AOAH: variants seen among roughly 807,000 people sequenced by gnomAD.
AOAH encodes acyloxyacyl hydrolase (neutrophil).
In AOAH, 64 loss-of-function variants were observed where a neutral mutation model predicts 92.2. That is an observed-to-expected ratio of 0.69 (90% CI 0.57 to 0.86). The LOEUF (loss-of-function observed/expected upper bound fraction) is 0.86, where lower values mean the gene tolerates loss of function less well. AOAH is among the 40% of genes least tolerant of loss of function. AOAH has a pLI of 0.00. For missense variants in AOAH, 656 were observed against 694.6 expected (o/e 0.94, Z 0.62); for synonymous variants, 263 against 254.5 (o/e 1.03, Z -0.32).
intron 13 of AOAH, among the ~76,000 whole-genome samples, chr7:36,560,955 C>T (rs1217398017): frequency 1.3e-5 from 2 of 152,000 alleles, no homozygotes; most frequent in Non-Finnish European, 2.9e-5. Flanking sequence ...TGCCATAAAG[C>T]AGGGATTAAC....
chr7:36,522,067 T>C lies in AOAH; in HGVS notation c.1571A>G (p.Glu524Gly). The part of the protein sequence containing the change: ...KRGGQPWQLI[E>G]PVDGFHPNEV... ...GTTGGGGTGGAATCCATCCACGGGC[T>C]CGATGAGCTGCCAGGGCTGTCCGCC... The change falls in exon 20 of 21, where the codon GAG becomes GGG. Residue 524 changes from glutamate to glycine, a missense_variant. Physicochemically the swap from Glu to Gly is moderately conservative, Grantham distance 98. Transcript: ENST00000617537. The C allele has an allele frequency of 6.2e-7, 1 of 1,614,212 alleles. No individual in the cohort carries two copies.
At position 36,545,376 on chromosome 7, in the gene AOAH, G is replaced by A. The variant is rs1785736331; in HGVS notation, c.1133+3236C>T. On this transcript the variant is annotated intron_variant, in intron 15 of 20. Coordinates refer to ENST00000617537, the MANE Select transcript of AOAH (RefSeq NM_001637.4). ...AGAGTCTGGGAGAGAGAATTCCTCT[G>A]AGCAGCAGGAGCTCTTTCCATTCCC... 3.9e-5 allele frequency among the ~76,000 whole-genome samples: 6 copies of A among 152,154 alleles called. No individual in the cohort carries two copies. In the South Asian group the frequency reaches 1.2e-3, roughly 32 times the overall value.
chr7:36,605,241 A>G (rs1387773295), intron 11 of AOAH, among the ~76,000 whole-genome samples: 1 of 151,982 alleles, frequency 6.6e-6, no homozygotes, highest in Admixed American at 6.6e-5. Flanking sequence ...CATGGAAGGA[A>G]TTAGTTGAAA....
chr7:36,542,210 C>T (rs1016251152), intron 15 of AOAH, among the ~76,000 whole-genome samples: 2 of 152,144 alleles, frequency 1.3e-5, no homozygotes, highest in African/African-American at 4.8e-5. Context: ...ATGGCTGCCA[C>T]AAGCCAAAGA....
chr7:36,543,173 T>TA (rs1305178407), intron 15 of AOAH, among the ~76,000 whole-genome samples: 1 of 152,100 alleles, frequency 6.6e-6, no homozygotes, highest in Non-Finnish European at 1.5e-5. Flanking sequence ...TACACTATTT[T>TA]AAAAATAAAA....
At chr7:36,717,077 C>T (rs919373959) in intron 1 of AOAH, among the ~76,000 whole-genome samples, 5 of 152,146 alleles carry the variant, frequency 3.3e-5, no homozygotes, top group African/African-American at 1.2e-4. Flanking sequence ...CTGTTCAGTG[C>T]TAACAAATAT....
chr7:36,696,796 C>T (rs367959033), intron 1 of AOAH, among the ~76,000 whole-genome samples: 3 of 151,292 alleles, frequency 2.0e-5, no homozygotes, highest in Admixed American at 6.6e-5. Context: ...GACCGGGAGG[C>T]GGAGGTTGCA....
At chr7:36,690,225 A>T (rs1226327842) in intron 1 of AOAH, 1 of 454,042 alleles carries the variant, frequency 2.2e-6, no homozygotes, top group Non-Finnish European at 4.4e-6. Context: ...AGCAAAAAAA[A>T]TTATCTGTCT....
chr7:36,525,364 A>G (rs547857293), intron 19 of AOAH, among the ~76,000 whole-genome samples: 4 of 152,250 alleles, frequency 2.6e-5, no homozygotes, highest in African/African-American at 4.8e-5. Flanking sequence ...TAGGAGCCTG[A>G]TATTACAAAG....
intron 19 of AOAH, among the ~76,000 whole-genome samples, chr7:36,529,635 T>C (rs1294797527): frequency 6.6e-6 from 1 of 152,186 alleles, no homozygotes; most frequent in African/African-American, 2.4e-5. Context: ...GAATCTTCCA[T>C]CTTTCGCCTA....
At chr7:36,599,670 A>T (rs886418380) in intron 11 of AOAH, 1 of 152,190 alleles carries the variant, frequency 6.6e-6, no homozygotes, top group African/African-American at 2.4e-5. Flanking sequence ...AAAAGAAAAT[A>T]GCTCTTGGGT....
chr7:36,687,997 C>G (rs1358290077), intron 1 of AOAH, among the ~76,000 whole-genome samples: 6 of 152,214 alleles, frequency 3.9e-5, no homozygotes, highest in African/African-American at 1.2e-4. Flanking sequence ...TCTGTCCCCT[C>G]TCTCTGGACA....
intron 4 of AOAH, among the ~76,000 whole-genome samples, chr7:36,641,641 C>A (rs140594190): frequency 6.6e-6 from 1 of 152,130 alleles, no homozygotes; most frequent in East Asian, 1.9e-4. Context: ...GCTTTCGGGC[C>A]GAGCTTTCCT....
intron 19 of AOAH, among the ~76,000 whole-genome samples, chr7:36,525,586 G>C (rs1161053325): frequency 6.6e-6 from 1 of 152,172 alleles, no homozygotes; most frequent in Middle Eastern, 3.2e-3. Flanking sequence ...TAGTGATGCA[G>C]GTTGAGCATC....
chr7:36,515,385 TCA>T (rs1467525987), intron 20 of AOAH, among the ~76,000 whole-genome samples: 1 of 44,158 alleles, frequency 2.3e-5, no homozygotes, highest in Non-Finnish European at 4.1e-5. Context: ...ACCACACCCC[TCA>T]CAACCCCACA....
intron 11 of AOAH, 44 bp downstream of exon 11, chr7:36,616,336 C>G (rs768611262): frequency 8.5e-6 from 13 of 1,525,646 alleles, no homozygotes; most frequent in Non-Finnish European, 1.2e-5. Context: ...GAAACAAAAA[C>G]AAAGGCCAGC....
intron 13 of AOAH, among the ~76,000 whole-genome samples, chr7:36,566,822 C>T (rs1201836400): frequency 2.6e-5 from 4 of 152,164 alleles, no homozygotes; most frequent in Admixed American, 2.6e-4. Context: ...AGTGAACACA[C>T]TGCGCAGAGC....
chr7:36,537,721 C>T (rs1021772514), intron 16 of AOAH, among the ~76,000 whole-genome samples: 6 of 152,058 alleles, frequency 3.9e-5, no homozygotes, highest in African/African-American at 1.2e-4. Context: ...CAGGGTTTCA[C>T]CATGTTGGCC....
chr7:36,698,854 G>T (rs1797870315), intron 1 of AOAH, among the ~76,000 whole-genome samples: 1 of 151,932 alleles, frequency 6.6e-6, no homozygotes, highest in Non-Finnish European at 1.5e-5. Flanking sequence ...TGCACAATAG[G>T]TTATTGTAAA....
Sources: allele counts gnomAD v4.1 joint callset (sites outside exome capture counted in the v4.1 genomes callset), GRCh38; gene constraint gnomAD v4.1.1; transcripts MANE v1.5; gene names NCBI Gene and HGNC (gene_info 2026-07-23, HGNC 2026-07-21).